PTRH1: variants seen among roughly 807,000 people sequenced by gnomAD.
PTRH1 encodes peptidyl-tRNA hydrolase 1 homolog, also known as peptidyl-tRNA hydrolase.
In PTRH1, 13 loss-of-function variants were observed where a neutral mutation model predicts 15.7. The ratio of observed to expected loss-of-function variants is 0.83; its 90% CI spans 0.54 to 1.31. PTRH1 has a LOEUF of 1.31. Among genes scored for constraint, PTRH1 ranks in the 40% most tolerant of loss-of-function variants. PTRH1 has a pLI of 0.00. For missense variants in PTRH1, 319 were observed against 296.2 expected (o/e 1.08, Z -0.56); for synonymous variants, 139 against 136.7 (o/e 1.02, Z -0.12).
chr9:127,702,507 G>A (rs1450269540), intron 1 of PTRH1, among the ~76,000 whole-genome samples: 11 of 151,926 alleles, frequency 7.2e-5, no homozygotes, highest in African/African-American at 1.7e-4. Flanking sequence ...ACTGCACTCC[G>A]GCCTGGGAGA....
chr9:127,712,970 A>G, downstream of PTRH1: 1 of 1,601,362 alleles, frequency 6.2e-7, no homozygotes, highest in South Asian at 1.1e-5. Flanking sequence ...ACCCTGGGCC[A>G]GAAACCTGGC....
At chr9:127,712,404 G>A (rs1842788023), downstream of PTRH1, 5 of 1,596,496 alleles carry the variant, frequency 3.1e-6, no homozygotes, top group Admixed American at 5.2e-5. Context: ...AGCGCAAGAT[G>A]GAAGCTGCTT....
At chr9:127,710,022 C>A (rs1842727430), downstream of PTRH1, among the ~76,000 whole-genome samples, 1 of 152,206 alleles carries the variant, frequency 6.6e-6, no homozygotes, top group African/African-American at 2.4e-5. Flanking sequence ...CTGTAAAACC[C>A]TGTGCTTTAG....
chr9:127,708,122 C>A (rs1842687670), intron 1 of PTRH1, among the ~76,000 whole-genome samples: 1 of 152,188 alleles, frequency 6.6e-6, no homozygotes, highest in African/African-American at 2.4e-5. Context: ...CAGCCCCCAC[C>A]CCTGAAATGC....
chr9:127,706,571 G>T (rs904580061), intron 1 of PTRH1, among the ~76,000 whole-genome samples: 8 of 152,080 alleles, frequency 5.3e-5, no homozygotes, highest in African/African-American at 1.7e-4. Context: ...GCACCCAGCT[G>T]CCAGCCAGGG....
intron 2 of PTRH1, 136 bp from the exon 3 acceptor site, chr9:127,714,838 C>A: frequency 9.6e-7 from 1 of 1,036,620 alleles, no homozygotes; most frequent in Non-Finnish European, 1.4e-6. Context: ...GTACCCAAAG[C>A]CATGCAGCAA....
chr9:127,712,599 C>G, downstream of PTRH1: 1 of 1,588,166 alleles, frequency 6.3e-7, no homozygotes, highest in East Asian at 2.3e-5. Flanking sequence ...GGGTATCCCA[C>G]CACAGACAGG....
chr9:127,709,391 C>T, downstream of PTRH1: 2 of 1,605,246 alleles, frequency 1.2e-6, no homozygotes, highest in African/African-American at 2.7e-5. The surrounding 1 kb of genome is among the most constrained non-coding windows in gnomAD (Gnocchi z 4.7). Flanking sequence ...CCCAGCCTGA[C>T]CCCTGGACCA....
chr9:127,696,683 A>T lies in PTRH1; in HGVS notation c.206-1542T>A, dbSNP rs548713889. 4.6e-5 allele frequency among the ~76,000 whole-genome samples: 7 copies of T among 152,276 alleles called. No individual in the cohort carries two copies. The South Asian group carries it at 6.2e-4, about 14-fold the overall frequency. The stretch of plus-strand genomic sequence containing the variant: ...GAAACCAGCCTGGCCAACATGGTGA[A>T]ACCCCGTCTCTACTAAAAATAAAAA... On this transcript the variant is annotated intron_variant, in intron 1 of 2. Transcript: ENST00000335223.
Position 127,715,138 on chromosome 9 carries a change from C to A in PTRH1, c.153G>T (p.Ala51=), listed in dbSNP as rs1842921808. 1.3e-6 allele frequency: 2 copies of A among 1,537,634 alleles called. No individual in the cohort carries two copies. The highest frequency in any genetic ancestry group is 2.4e-5 in the East Asian group (1 of 41,052). Residue 51 remains alanine (A), a synonymous_variant, in exon 2 of 5, where the codon GCG becomes GCT. Coordinates refer to ENST00000543175, the MANE Select transcript of PTRH1 (RefSeq NM_001002913.3). This position sits in a 1 kb window ranked among gnomAD's most constrained non-coding sequence, Gnocchi z 5.8. ...GCCGCCGCGCCAGCTGCCCCAGCAC[C>A]GCCATGCCCACGCTGTGTCGCGTGC... ...LPGTRHSVGM[A]VLGQLARRLG...
downstream of PTRH1, chr9:127,711,360 G>A (rs1185004197): frequency 6.2e-7 from 1 of 1,614,188 alleles, no homozygotes; most frequent in Admixed American, 1.7e-5. Context: ...CAGATGGCCA[G>A]GGTCTCCCAG....
At chr9:127,709,741 T>TATCA, downstream of PTRH1, 1 of 1,577,658 alleles carries the variant, frequency 6.3e-7, no homozygotes, top group Non-Finnish European at 8.6e-7. This position sits in a 1 kb window ranked among gnomAD's most constrained non-coding sequence, Gnocchi z 4.7. Context: ...ATCCCAGCTC[T>TATCA]ATCACTGACC....
At chr9:127,695,154 GAATA>G (rs1401554548) in intron 1 of PTRH1, 4 of 686,040 alleles carry the variant, frequency 5.8e-6, no homozygotes, top group South Asian at 3.0e-5. Context: ...GGGGAGAAAA[GAATA>G]AATAGTCTCA....
chr9:127,710,669 C>T, downstream of PTRH1: 1 of 1,584,398 alleles, frequency 6.3e-7, no homozygotes, highest in Non-Finnish European at 8.6e-7. Context: ...GTTCACATTG[C>T]TGGAGGAGCA....
rs1451937315 is a variant in PTRH1 at position 127,714,655 on chromosome 9, C to T, written c.364G>A (p.Glu122Lys). The T allele has an allele frequency of 1.9e-6, 3 of 1,613,810 alleles. No individual in the cohort carries two copies. Among genetic ancestry groups the T allele is most frequent in the Non-Finnish European group, 1.7e-6 (2 of 1,179,966 alleles). The change falls in exon 3 of 5, where the codon GAG becomes AAG. Residue 122 changes from glutamate (E) to lysine (K), a missense_variant. Physicochemically the swap from Glu to Lys is moderately conservative, Grantham distance 56. Transcript: ENST00000543175. ...TAEEVYLVHD[E>K]LDKPLGRLAL... The stretch of plus-strand genomic sequence containing the variant: ...AGTCTCCCCAGGGGCTTGTCCAGCT[C>T]ATCATGCACCAGGTAGACTTCCTCG...
downstream of PTRH1, chr9:127,709,690 C>A: frequency 6.2e-7 from 1 of 1,612,572 alleles, no homozygotes; most frequent in Non-Finnish European, 8.5e-7. The surrounding 1 kb of genome is among the most constrained non-coding windows in gnomAD (Gnocchi z 4.7). Flanking sequence ...GAACATCATC[C>A]TTGGTGAGGA....
chr9:127,710,009 T>G (rs117143823), downstream of PTRH1, among the ~76,000 whole-genome samples: 422 of 152,318 alleles, frequency 2.8e-3, 11 homozygotes, highest in East Asian at 0.062. Flanking sequence ...TGGTGGCCCA[T>G]GCCTGTAAAA....
chr9:127,711,307 G>A (rs764658988), downstream of PTRH1: 1 of 1,614,198 alleles, frequency 6.2e-7, no homozygotes. Flanking sequence ...GGATGTGGGA[G>A]ACAACCAAGC....
chr9:127,712,085 G>T (rs1390360711), downstream of PTRH1: 1 of 1,510,718 alleles, frequency 6.6e-7, no homozygotes, highest in East Asian at 2.4e-5. Context: ...CTGAGGCTTG[G>T]GGCGGGATGG....
Sources: allele counts gnomAD v4.1 joint callset (sites outside exome capture counted in the v4.1 genomes callset), GRCh38; gene constraint gnomAD v4.1.1; non-coding constraint Gnocchi (gnomAD v3.1); transcripts MANE v1.5; gene names NCBI Gene and HGNC (gene_info 2026-07-23, HGNC 2026-07-21).